Variants in PRKCD observed in about 807,000 individuals in gnomAD.
The protein encoded by PRKCD is protein kinase C delta.
In PRKCD, 20 loss-of-function variants were observed where a neutral mutation model predicts 82.2. That is an observed-to-expected ratio of 0.24 (90% CI 0.17 to 0.35). The LOEUF is 0.35. Ranked by LOEUF, PRKCD falls within the 10% of genes least tolerant of loss-of-function variation. PRKCD has a pLI of 1.00. For missense variants in PRKCD, 607 were observed against 899.0 expected (o/e 0.68, Z 4.15); for synonymous variants, 317 against 337.0 (o/e 0.94, Z 0.65).
chr3:53,179,923 C>A, intron 4 of PRKCD, 147 bp downstream of exon 4: 2 of 947,382 alleles, frequency 2.1e-6, no homozygotes, highest in Non-Finnish European at 3.1e-6. Context: ...ACCAGTCCAG[C>A]CCTGTGGCCA....
intron 10 of PRKCD, 72 bp downstream of exon 10, chr3:53,185,046 C>A: frequency 7.4e-7 from 1 of 1,359,318 alleles, no homozygotes. Context: ...ACAGCCACTG[C>A]TGGGGAGCCA....
At chr3:53,181,163 G>A in intron 4 of PRKCD, 44 bp from the exon 5 acceptor site, 1 of 1,601,386 alleles carries the variant, frequency 6.2e-7, no homozygotes, top group South Asian at 1.1e-5. Flanking sequence ...GGCCCAGGCT[G>A]CCCTCACTGA....
intron 17 of PRKCD, 130 bp downstream of exon 17, chr3:53,189,376 C>A (rs531917750): frequency 2.1e-6 from 2 of 966,908 alleles, no homozygotes; most frequent in Non-Finnish European, 3.0e-6. Flanking sequence ...TCCTAACATA[C>A]GGGGTATTGC....
chr3:53,184,251 C>T (rs566162562), intron 9 of PRKCD, among the ~76,000 whole-genome samples: 13 of 151,880 alleles, frequency 8.6e-5, no homozygotes, highest in Non-Finnish European at 1.9e-4. Context: ...AGGAGAATGG[C>T]GTGAACCCAG....
At chr3:53,171,723 T>C (rs1198352247) in intron 2 of PRKCD, among the ~76,000 whole-genome samples, 2 of 152,210 alleles carry the variant, frequency 1.3e-5, no homozygotes, top group Non-Finnish European at 2.9e-5. Context: ...AGAAGGCTGT[T>C]CCAGCTGAGG....
Position 53,186,155 on chromosome 3 carries a change from T to C in PRKCD, c.1087-12T>C. On this transcript the variant is annotated splice_polypyrimidine_tract_variant and intron_variant, in intron 12 of 18. Coordinates refer to ENST00000330452, the MANE Select transcript of PRKCD (RefSeq NM_006254.4). ...CGTCCTCACCTGCTCAGCACCCGTG[T>C]CTCCCCATCAGGTGCTGCTTGGAGA... The C allele has an allele frequency of 6.2e-7, 1 of 1,612,784 alleles. No homozygotes were observed. The highest frequency in any genetic ancestry group is 1.1e-5 in the South Asian group (1 of 90,870).
At chr3:53,161,956 C>T (rs1702678931) in intron 1 of PRKCD, among the ~76,000 whole-genome samples, 1 of 150,458 alleles carries the variant, frequency 6.6e-6, no homozygotes, top group Non-Finnish European at 1.5e-5. Flanking sequence ...GTCCAGCCGC[C>T]TCTCCGCTCT....
rs1553670391 is a variant in PRKCD, at chr3:53,189,758, G to A, written c.1744-115G>A. On this transcript the variant is annotated intron_variant, in intron 17 of 18. Transcript: ENST00000330452. ...CTCCCTCAGCCCCACCGTTCCCCAG[G>A]CTGACTGGGGCTGGGGCAAGCCTGG... 4.1e-6 allele frequency: 6 copies of A among 1,466,740 alleles called. No individual in the cohort carries two copies. The East Asian group carries it at 1.1e-4, about 28-fold the overall frequency. The allele number at this position is 1,466,740 out of a possible 1,614,324, so 90.9% of individuals were successfully genotyped here.
rs539840010 is a variant in PRKCD at position 53,166,016 on chromosome 3, C to T, written c.-20+801C>T. On this transcript the variant is annotated intron_variant, in intron 2 of 18. Coordinates refer to ENST00000330452, the MANE Select transcript of PRKCD (RefSeq NM_006254.4). Reference sequence around the variant, plus strand: ...GGTATGGGTGCTAATGAAGCTGGAGCCTCGGAGTAACAGTGGGGGGATAGC... The same window carrying T: ...GGTATGGGTGCTAATGAAGCTGGAGTCTCGGAGTAACAGTGGGGGGATAGC... Among the ~76,000 whole-genome samples the T allele has an allele frequency of 2.2e-4, 33 of 152,294 alleles. No individual in the cohort carries two copies. The South Asian group carries it at 4.6e-3, about 21-fold the overall frequency.
Position 53,179,771 on chromosome 3 carries a change from T to A in PRKCD, c.310T>A (p.Phe104Ile). 4 of 1,559,550 alleles carry A rather than the reference T, an allele frequency of 2.6e-6. No homozygotes were observed. The highest frequency in any genetic ancestry group is 3.5e-6 in the Non-Finnish European group (4 of 1,151,306). The change falls in exon 4 of 19, where the codon TTC (phenylalanine) becomes ATC (isoleucine). Residue 104 changes from phenylalanine (F) to isoleucine (I), a missense_variant. By Grantham distance (21) the Phe-to-Ile change is conservative (BLOSUM62 0). Coordinates refer to ENST00000330452, the MANE Select transcript of PRKCD (RefSeq NM_006254.4). ...CAAGAAGAACAATGGCAAGGCTGAG[T>A]TCTGGGTAAGGGGCGCACGAGCCGT... ...RCKKNNGKAE[F>I]WLDLQPQAKV...
chr3:53,163,073 G>A (rs561777841), intron 1 of PRKCD, among the ~76,000 whole-genome samples: 2 of 151,622 alleles, frequency 1.3e-5, no homozygotes, highest in Non-Finnish European at 2.9e-5. Context: ...TGTGATATGT[G>A]TGGTTGTGTG....
intron 2 of PRKCD, among the ~76,000 whole-genome samples, chr3:53,166,492 C>T (rs576542205): frequency 3.3e-5 from 5 of 152,292 alleles, no homozygotes; most frequent in African/African-American, 9.6e-5. Flanking sequence ...GCATGCACAC[C>T]CACAGACTCA....
intron 2 of PRKCD, among the ~76,000 whole-genome samples, chr3:53,177,583 A>G (rs1176457884): frequency 6.6e-6 from 1 of 152,138 alleles, no homozygotes; most frequent in Non-Finnish European, 1.5e-5. Context: ...AACTTAGAAA[A>G]TCATGAAGGG....
chr3:53,189,970 G>A lies in PRKCD; in HGVS notation c.1841G>A (p.Arg614Gln), dbSNP rs782284458. ...KTINWTLLEK[R>Q]RLEPPFRPKV... ...ATAAACTGGACTCTGCTGGAAAAGC[G>A]GAGGTTGGAGCCACCTTTCAGGCCC... The change falls in exon 18 of 19, where the codon CGG becomes CAG. Residue 614 changes from arginine (R) to glutamine (Q), a missense_variant. Transcript: ENST00000330452. 23 of 1,614,194 alleles carry A rather than the reference G, an allele frequency of 1.4e-5. No homozygotes were observed. The East Asian group carries it at 1.8e-4, about 13-fold the overall frequency.
chr3:53,177,160 C>A (rs1186183117), intron 2 of PRKCD, among the ~76,000 whole-genome samples: 1 of 152,134 alleles, frequency 6.6e-6, no homozygotes, highest in Non-Finnish European at 1.5e-5. Flanking sequence ...GAGATAGGGT[C>A]TCACTCTGCC....
intron 7 of PRKCD, among the ~76,000 whole-genome samples, chr3:53,182,879 A>G (rs1005575151): frequency 2.6e-5 from 4 of 151,792 alleles, no homozygotes; most frequent in Non-Finnish European, 5.9e-5. Context: ...GCCCACTAGG[A>G]CTCCTTCTTT....
chr3:53,192,083 G>A (rs113108190), intron 18 of PRKCD, 25 bp from the exon 19 acceptor site: 259 of 1,613,370 alleles, frequency 1.6e-4, no homozygotes, highest in African/African-American at 2.5e-4. Context: ...GGTCCTGTTC[G>A]CTCACCCCTG....
Position 53,179,710 on chromosome 3 carries a change from G to T in PRKCD, c.249G>T (p.Glu83Asp). 1.2e-6 allele frequency: 2 copies of T among 1,606,210 alleles called. No homozygotes were observed. Among genetic ancestry groups the T allele is most frequent in the Non-Finnish European group, 1.7e-6 (2 of 1,175,432 alleles). The change falls in exon 4 of 19, where the codon GAG becomes GAT. Residue 83 changes from glutamate (E) to aspartate (D), a missense_variant. Glu to Asp is a conservative substitution (Grantham distance 45). Coordinates refer to ENST00000330452, the MANE Select transcript of PRKCD (RefSeq NM_006254.4). ...GGGCAGCAGAGGAGCCAGTGTCTGA[G>T]GTGACCGTGGGTGTGTCGGTGCTGG... The part of the protein sequence containing the change: ...LMRAAEEPVS[E>D]VTVGVSVLAE...
chr3:53,183,007 T>C lies in PRKCD; in HGVS notation c.572-114T>C, dbSNP rs1267864724. The C allele has an allele frequency of 1.7e-5, 18 of 1,034,388 alleles. No individual in the cohort carries two copies. The African/African-American group carries it at 2.4e-4, about 14-fold the overall frequency. 64.1% of individuals were successfully genotyped at this position (1,034,388 alleles called of 1,614,324 possible). A position where few individuals can be genotyped will look rare whatever the true frequency, so the allele number is the denominator to read the frequency against. On this transcript the variant is annotated intron_variant, in intron 7 of 18. Coordinates refer to ENST00000330452, the MANE Select transcript of PRKCD (RefSeq NM_006254.4). ...CTCTGCGGGGTGAGGGTGTGGGCGG[T>C]CAGGAGAACGGTGGCTTTGTGTAGA...
Sources: gnomAD v4.1 joint callset for allele counts (sites outside exome capture counted in the v4.1 genomes callset) on GRCh38, gnomAD v4.1.1 for gene constraint, MANE v1.5 for transcripts, NCBI Gene and HGNC (gene_info 2026-07-23, HGNC 2026-07-21) for gene names.